SEC24A: variants seen among roughly 807,000 people sequenced by gnomAD.
SEC24A encodes the protein protein transport protein Sec24A.
In SEC24A, 93 loss-of-function variants were observed where a neutral mutation model predicts 129.4. The ratio of observed to expected loss-of-function variants is 0.72; its 90% CI spans 0.61 to 0.85. The LOEUF (loss-of-function observed/expected upper bound fraction) is 0.85, where lower values mean the gene tolerates loss of function less well. Among genes scored for constraint, SEC24A ranks in the 40% least tolerant of loss-of-function variants. SEC24A has a pLI of 0.00. For missense variants in SEC24A, 1,264 were observed against 1,307.4 expected (o/e 0.97, Z 0.51); for synonymous variants, 460 against 467.3 (o/e 0.98, Z 0.20).
chr5:134,699,131 T>A (rs1211007400), intron 15 of SEC24A, among the ~76,000 whole-genome samples: 2 of 152,022 alleles, frequency 1.3e-5, no homozygotes, highest in East Asian at 3.9e-4. Flanking sequence ...GGTCTCCCTA[T>A]GTTGCCCAGG....
chr5:134,696,880 G>C (rs1035242675), intron 13 of SEC24A, among the ~76,000 whole-genome samples: 1 of 151,516 alleles, frequency 6.6e-6, no homozygotes, highest in African/African-American at 2.4e-5. Context: ...CACCCGCCTT[G>C]GCTTCCCAAA....
chr5:134,713,294 A>C lies in SEC24A; in HGVS notation c.2728-1730A>C, dbSNP rs192635919. ...TCTTTCTTCTTCAGGCCTTTCTTGA[A>C]ATACTTTTTTCTAAAGCCTACATTC... is the stretch of plus-strand genomic sequence containing the variant. On this transcript the variant is annotated intron_variant, in intron 18 of 22. Transcript: ENST00000398844. Among the ~76,000 whole-genome samples the C allele has an allele frequency of 1.6e-4, 25 of 151,978 alleles. No individual in the cohort carries two copies. In the East Asian group the frequency reaches 4.8e-3, roughly 29 times the overall value.
At chr5:134,656,163 A>G (rs994600788) in intron 1 of SEC24A, among the ~76,000 whole-genome samples, 1 of 150,876 alleles carries the variant, frequency 6.6e-6, no homozygotes, top group African/African-American at 2.4e-5. Context: ...GCTCACTGCA[A>G]CCTTTGCCTC....
At chr5:134,657,779 A>G (rs1189137949) in intron 1 of SEC24A, among the ~76,000 whole-genome samples, 1 of 152,066 alleles carries the variant, frequency 6.6e-6, no homozygotes, top group Non-Finnish European at 1.5e-5. Context: ...GTCTCACTAT[A>G]TTACCCAGGT....
At chr5:134,671,572 G>A (rs1750863583) in intron 3 of SEC24A, among the ~76,000 whole-genome samples, 1 of 152,144 alleles carries the variant, frequency 6.6e-6, no homozygotes, top group Admixed American at 6.6e-5. Flanking sequence ...TAGGTACAAT[G>A]TAAGGTGAAA....
chr5:134,682,777 G>T (rs1751320892), intron 9 of SEC24A, among the ~76,000 whole-genome samples: 1 of 152,048 alleles, frequency 6.6e-6, no homozygotes, highest in Non-Finnish European at 1.5e-5. Context: ...ATGTTGCCCA[G>T]GCTGGTCTCG....
At chr5:134,674,535 C>T in intron 4 of SEC24A, 80 bp from the exon 5 acceptor site, 1 of 1,351,516 alleles carries the variant, frequency 7.4e-7, no homozygotes, top group Non-Finnish European at 1.0e-6. Flanking sequence ...ACCCTTTCTC[C>T]AAAAAAAATG....
chr5:134,686,840 C>T lies in SEC24A; in HGVS notation c.1542C>T (p.His514=), dbSNP rs541115478. ...ATCTCTTTGTATTTGATGTGTCTCA[C>T]AATGCAGTCGAAACTGGATACTTGA... ...PVYLFVFDVS[H]NAVETGYLNS... is the part of the protein sequence containing the mutation. The change falls in exon 10 of 23, where the codon CAC becomes CAT. Residue 514 remains histidine (H), a synonymous_variant. Transcript: ENST00000398844. 77 of 1,611,012 alleles carry T rather than the reference C, an allele frequency of 4.8e-5. No individual in the cohort carries two copies. The East Asian group carries it at 1.5e-3, about 31-fold the overall frequency.
intron 15 of SEC24A, among the ~76,000 whole-genome samples, chr5:134,698,513 G>A (rs1407929638): frequency 6.6e-6 from 1 of 151,662 alleles, no homozygotes; most frequent in African/African-American, 2.4e-5. Context: ...GCTGAGGTGG[G>A]AGGATTGTTG....
chr5:134,709,219 CAAAAAG>C (rs1408150754), intron 18 of SEC24A, among the ~76,000 whole-genome samples: 1 of 151,754 alleles, frequency 6.6e-6, no homozygotes, highest in African/African-American at 2.4e-5. Flanking sequence ...TCAAAATAAA[CAAAAAG>C]AAAGAAACGA....
chr5:134,669,426 A>C (rs1201005562), intron 3 of SEC24A, among the ~76,000 whole-genome samples: 1 of 151,954 alleles, frequency 6.6e-6, no homozygotes, highest in Non-Finnish European at 1.5e-5. Context: ...TCACCCTCCC[A>C]AAGTGCTGGC....
At chr5:134,692,424 C>T (rs1276485490) in intron 11 of SEC24A, among the ~76,000 whole-genome samples, 178 bp from the exon 12 acceptor site, 2 of 152,054 alleles carry the variant, frequency 1.3e-5, no homozygotes, top group Non-Finnish European at 2.9e-5. Context: ...GCAGTAGATA[C>T]CTGTATCATT....
At chr5:134,701,736 C>A (rs1752014818) in intron 15 of SEC24A, among the ~76,000 whole-genome samples, 1 of 152,056 alleles carries the variant, frequency 6.6e-6, no homozygotes, top group Non-Finnish European at 1.5e-5. Flanking sequence ...GTCTCGAACT[C>A]CTGACCTCAT....
intron 1 of SEC24A, among the ~76,000 whole-genome samples, chr5:134,651,934 C>CT (rs11294954): frequency 0.21 from 29,057 of 135,246 alleles, 3,861 homozygotes; most frequent in Non-Finnish European, 0.31. Flanking sequence ...GTTGAAAACT[C>CT]TTTTTTTTTT....
intron 3 of SEC24A, among the ~76,000 whole-genome samples, chr5:134,668,722 A>ATC (rs1561807135): frequency 6.7e-6 from 1 of 149,632 alleles, no homozygotes; most frequent in African/African-American, 2.5e-5. Flanking sequence ...GCAAAACTCC[A>ATC]TCACACACAC....
Position 134,661,393 on chromosome 5 carries a change from T to G in SEC24A, c.372T>G (p.Ser124Arg). ...QNPATTPMPS[S>R]SFLPEANLPP... is the part of the protein sequence containing the mutation. ...CAGCTACTACACCAATGCCTTCTAG[T>G]AGCTTTCTTCCTGAAGCCAACCTGC... Residue 124 changes from serine to arginine, a missense_variant, in exon 2 of 23, where the codon AGT (serine) becomes AGG (arginine). Transcript: ENST00000398844. 6.2e-7 allele frequency: 1 copy of G among 1,614,204 alleles called. No homozygotes were observed. The highest frequency in any genetic ancestry group is 8.5e-7 in the Non-Finnish European group (1 of 1,180,036).
At chr5:134,659,645 CTTT>C (rs1173408628) in intron 1 of SEC24A, among the ~76,000 whole-genome samples, 6 of 122,016 alleles carry the variant, frequency 4.9e-5, no homozygotes, top group Admixed American at 8.4e-5. Flanking sequence ...ACCTCATATT[CTTT>C]TTTTTTTTTT....
At chr5:134,718,214 T>C (rs776584008) in intron 20 of SEC24A, 41 bp downstream of exon 20, 1 of 1,362,872 alleles carries the variant, frequency 7.3e-7, no homozygotes, top group Admixed American at 1.7e-5. Context: ...TGCAAACTAC[T>C]ATACTGTTTT....
chr5:134,653,216 G>A (rs1170050562), intron 1 of SEC24A, among the ~76,000 whole-genome samples: 4 of 152,092 alleles, frequency 2.6e-5, no homozygotes, highest in Non-Finnish European at 5.9e-5. Flanking sequence ...TGGCATTACA[G>A]GTGTGAGCCA....
Sources: allele counts gnomAD v4.1 joint callset (sites outside exome capture counted in the v4.1 genomes callset), GRCh38; gene constraint gnomAD v4.1.1; transcripts MANE v1.5; gene names NCBI Gene and HGNC (gene_info 2026-07-23, HGNC 2026-07-21).